Variants in RAI1 observed in about 807,000 individuals in gnomAD.
RAI1 encodes retinoic acid induced 1, also known as retinoic acid-induced protein 1.
Under a neutral mutation model 123.8 loss-of-function variants are expected in RAI1, and 9 were observed. The ratio of observed to expected loss-of-function variants is 0.07; its 90% CI spans 0.04 to 0.13. The LOEUF is 0.13. Among genes scored for constraint, RAI1 ranks in the 10% least tolerant of loss-of-function variants. The probability of loss-of-function intolerance (pLI) is 1.00; values close to 1 mark genes in which losing one functional copy is unlikely to be tolerated. For missense variants in RAI1, 2,256 were observed against 2,545.8 expected (o/e 0.89, Z 2.45); for synonymous variants, 1,231 against 1,127.3 (o/e 1.09, Z -1.84).
At chr17:17,736,534 C>T (rs1289688888) in intron 2 of RAI1, among the ~76,000 whole-genome samples, 1 of 152,248 alleles carries the variant, frequency 6.6e-6, no homozygotes, top group African/African-American at 2.4e-5. Context: ...TCTGCAGCAT[C>T]TGGACCAGAT....
In RAI1 at chr17:17,800,744, G is replaced by A. The variant is rs2032433211; in HGVS notation, c.5565+2231G>A. On this transcript the variant is annotated intron_variant, in intron 3 of 5. Coordinates refer to ENST00000353383, the MANE Select transcript of RAI1 (RefSeq NM_030665.4). This position sits in a 1 kb window ranked among gnomAD's most constrained non-coding sequence, Gnocchi z 4.7. ...GGAACCAGGAACACCCTGCCAGACAGATGGGACATCCTGGGAGAATGGGCA... is the reference window on the plus strand; with the variant it reads ...GGAACCAGGAACACCCTGCCAGACAAATGGGACATCCTGGGAGAATGGGCA... Among the ~76,000 whole-genome samples, 1 of 152,246 alleles carries A rather than the reference G, an allele frequency of 6.6e-6. No homozygotes were observed. The highest frequency in any genetic ancestry group is 2.1e-4 in the South Asian group (1 of 4,838).
chr17:17,713,286 C>T (rs1406401546), intron 1 of RAI1, among the ~76,000 whole-genome samples: 3 of 152,074 alleles, frequency 2.0e-5, no homozygotes, highest in Non-Finnish European at 4.4e-5. Flanking sequence ...GCAGGTGAAT[C>T]ACCTAAGCCC....
chr17:17,715,562 G>A (rs1915684366), intron 1 of RAI1, among the ~76,000 whole-genome samples: 2 of 152,180 alleles, frequency 1.3e-5, no homozygotes, highest in South Asian at 4.1e-4. Context: ...GCGAGGAGTG[G>A]TGTGGTCATT....
In RAI1 at chr17:17,736,513, G is replaced by A. The variant is rs115167039; in HGVS notation, c.-17+12354G>A. Among the ~76,000 whole-genome samples the A allele has an allele frequency of 5.1e-3, 773 of 152,358 alleles. 6 individuals are homozygous for A. Among genetic ancestry groups the A allele is most frequent in the African/African-American group, 0.018 (744 of 41,576 alleles). Reference sequence around the variant, plus strand: ...CTGTAGGAGATGTAGAAGGAAGTGGGTCTTTGTGTTTCTGCAGCATCTGGA... The same window carrying A: ...CTGTAGGAGATGTAGAAGGAAGTGGATCTTTGTGTTTCTGCAGCATCTGGA... On this transcript the variant is annotated intron_variant, in intron 2 of 5. Transcript: ENST00000353383.
chr17:17,712,780 G>C (rs111486344), intron 1 of RAI1, among the ~76,000 whole-genome samples: 64 of 152,322 alleles, frequency 4.2e-4, no homozygotes, highest in African/African-American at 1.5e-3. Context: ...CAGTAAACAC[G>C]ATACTGATTC....
At chr17:17,792,065 G>T (rs1441347247) in intron 2 of RAI1, among the ~76,000 whole-genome samples, 1 of 152,128 alleles carries the variant, frequency 6.6e-6, no homozygotes, top group African/African-American at 2.4e-5. Flanking sequence ...GTGCCCTTCC[G>T]TGGCCGTGGC....
chr17:17,685,211 A>G lies in RAI1; in HGVS notation c.-149+3418A>G, dbSNP rs1267428233. 6.6e-6 allele frequency among the ~76,000 whole-genome samples: 1 copy of G among 152,248 alleles called. No individual in the cohort carries two copies. Among genetic ancestry groups the G allele is most frequent in the Non-Finnish European group, 1.5e-5 (1 of 68,042 alleles). On this transcript the variant is annotated intron_variant, in intron 1 of 5. Transcript: ENST00000353383. This position sits in a 1 kb window ranked among gnomAD's most constrained non-coding sequence, Gnocchi z 4.0. The stretch of plus-strand genomic sequence containing the variant: ...GAGGTGCAACAGCAACGGTGTGCGC[A>G]GAGCAGCGTCTCTGCGGGAGAGGCA...
chr17:17,695,130 A>G (rs1321185451), intron 1 of RAI1, among the ~76,000 whole-genome samples: 1 of 151,948 alleles, frequency 6.6e-6, no homozygotes, highest in Non-Finnish European at 1.5e-5. Context: ...CTTGGGGGCT[A>G]TTAAAAGTGG....
intron 1 of RAI1, among the ~76,000 whole-genome samples, chr17:17,692,778 A>G (rs540936103): frequency 6.6e-6 from 1 of 152,304 alleles, no homozygotes; most frequent in Admixed American, 6.5e-5. Context: ...GGGCATAATC[A>G]TGCCTTTATC....
intron 1 of RAI1, among the ~76,000 whole-genome samples, chr17:17,716,409 TATAC>T (rs1333747740): frequency 6.6e-6 from 1 of 152,268 alleles, no homozygotes; most frequent in Non-Finnish European, 1.5e-5. Context: ...TGTATATGTG[TATAC>T]ATCTCTGCAT....
chr17:17,725,210 T>G (rs2142934721), intron 2 of RAI1, among the ~76,000 whole-genome samples: 1 of 152,136 alleles, frequency 6.6e-6, no homozygotes, highest in South Asian at 2.1e-4. Flanking sequence ...CTCTTGGGCT[T>G]GGTGATTGGC....
chr17:17,786,128 C>A (rs767810334), intron 2 of RAI1, among the ~76,000 whole-genome samples: 2 of 152,170 alleles, frequency 1.3e-5, no homozygotes, highest in Non-Finnish European at 2.9e-5. Context: ...CCTCCCCCCC[C>A]ACTTTATTTG....
rs770707094 is a variant in RAI1, at chr17:17,796,873, G to A, written c.3925G>A (p.Ala1309Thr). ...CTGCCTCAAGCTCGCCTCTCGGGCA[G>A]CCTTCCAGGGGGCCATGAAGACCAA... ...DACLKLASRA[A>T]FQGAMKTKVL... The change falls in exon 3 of 6, where the codon GCC becomes ACC. Residue 1309 changes from alanine (A) to threonine (T), a missense_variant. Around this residue, in one of 7 missense-constraint regions of RAI1, gnomAD observed 322 missense variants for 358.0 expected, o/e 0.90. Coordinates refer to ENST00000353383, the MANE Select transcript of RAI1 (RefSeq NM_030665.4). This position sits in a 1 kb window ranked among gnomAD's most constrained non-coding sequence, Gnocchi z 5.8. The A allele has an allele frequency of 5.0e-6, 8 of 1,613,084 alleles. No individual in the cohort carries two copies. Among genetic ancestry groups the A allele is most frequent in the Non-Finnish European group, 6.8e-6 (8 of 1,179,936 alleles).
chr17:17,740,720 C>T (rs1916595865), intron 2 of RAI1, among the ~76,000 whole-genome samples: 2 of 152,144 alleles, frequency 1.3e-5, no homozygotes, highest in African/African-American at 4.8e-5. Context: ...GCAGCAGGAG[C>T]CTGGGGGACA....
intron 2 of RAI1, among the ~76,000 whole-genome samples, chr17:17,786,871 C>G (rs1019341646): frequency 2.6e-5 from 4 of 152,252 alleles, no homozygotes; most frequent in African/African-American, 7.2e-5. Flanking sequence ...GTCGGGAGCT[C>G]GAGACCAGCC....
intron 2 of RAI1, among the ~76,000 whole-genome samples, chr17:17,791,410 C>T (rs554826219): frequency 6.6e-6 from 1 of 152,284 alleles, no homozygotes; most frequent in African/African-American, 2.4e-5. Flanking sequence ...CACTCCCCAC[C>T]TTTCTGCCTC....
At chr17:17,690,631 G>C (rs1914805526) in intron 1 of RAI1, among the ~76,000 whole-genome samples, 1 of 152,146 alleles carries the variant, frequency 6.6e-6, no homozygotes, top group Admixed American at 6.5e-5. Flanking sequence ...GCCAGTCCTG[G>C]GCACAGAATA....
chr17:17,706,655 G>A (rs1231599894), intron 1 of RAI1, among the ~76,000 whole-genome samples: 1 of 152,178 alleles, frequency 6.6e-6, no homozygotes, highest in African/African-American at 2.4e-5. Flanking sequence ...CGGCATCCAG[G>A]GGAGATGTCC....
At chr17:17,703,068 T>A (rs1009611355) in intron 1 of RAI1, among the ~76,000 whole-genome samples, 17 of 152,168 alleles carry the variant, frequency 1.1e-4, no homozygotes, top group Non-Finnish European at 2.1e-4. Context: ...ACTGGATGAT[T>A]GGGGCAGTAA....
Sources: allele counts gnomAD v4.1 joint callset (sites outside exome capture counted in the v4.1 genomes callset), GRCh38; gene constraint gnomAD v4.1.1; regional missense constraint gnomAD v4.1.1; non-coding constraint Gnocchi (gnomAD v3.1); transcripts MANE v1.5; gene names NCBI Gene and HGNC (gene_info 2026-07-23, HGNC 2026-07-21).